The following THSD7B variants were observed in gnomAD, a reference collection of about 807,000 sequenced individuals.
THSD7B encodes the protein thrombospondin type 1 domain containing 7B, also known as thrombospondin type-1 domain-containing protein 7B.
THSD7B carries 138 observed loss-of-function variants against 213.6 expected under a neutral mutation model. That is an observed-to-expected ratio of 0.65 (90% CI 0.56 to 0.74). The LOEUF (loss-of-function observed/expected upper bound fraction) is 0.74, where lower values mean the gene tolerates loss of function less well. Among genes scored for constraint, THSD7B ranks in the 30% least tolerant of loss-of-function variants. The probability of loss-of-function intolerance (pLI) is 0.00; values close to 1 mark genes in which losing one functional copy is unlikely to be tolerated. For synonymous variants in THSD7B, 742 were observed against 687.0 expected, an observed-to-expected ratio of 1.08 and a Z score of -1.25; for missense variants, 1,931 against 1,991.5, an observed-to-expected ratio of 0.97 and a Z score of 0.58.
chr2:137,456,264 C>T (rs1054771586), intron 15 of THSD7B, among the ~76,000 whole-genome samples: 1 of 151,936 alleles, frequency 6.6e-6, no homozygotes, highest in African/African-American at 2.4e-5. Context: ...TTTCTTGTTT[C>T]CAAAGATATA....
At chr2:137,271,300 TA>T (rs904277476) in intron 10 of THSD7B, among the ~76,000 whole-genome samples, 31 of 150,518 alleles carry the variant, frequency 2.1e-4, no homozygotes, top group African/African-American at 7.1e-4. Context: ...TCTGTCTTTG[TA>T]AATAAATGCC....
chr2:136,791,305 C>G (rs963222085), intron 1 of THSD7B, among the ~76,000 whole-genome samples: 2 of 151,666 alleles, frequency 1.3e-5, no homozygotes, highest in Non-Finnish European at 2.9e-5. Context: ...CTCCACAACC[C>G]GGTAATTTTA....
At chr2:137,249,709 A>G (rs565034509) in intron 10 of THSD7B, among the ~76,000 whole-genome samples, 30 of 152,334 alleles carry the variant, frequency 2.0e-4, no homozygotes, top group Middle Eastern at 3.4e-3. Flanking sequence ...GTTACCCAGT[A>G]TGTTAGAATC....
intron 17 of THSD7B, among the ~76,000 whole-genome samples, chr2:137,598,313 A>G (rs753775532): frequency 1.3e-5 from 2 of 152,186 alleles, no homozygotes; most frequent in Admixed American, 1.3e-4. Context: ...TGATAAATCT[A>G]GAATATAGAA....
At chr2:137,431,703 G>T (rs148114413) in intron 14 of THSD7B, among the ~76,000 whole-genome samples, 1,564 of 152,220 alleles carry the variant, frequency 0.01, 27 homozygotes, top group African/African-American at 0.035. Flanking sequence ...GGACCCCATA[G>T]ATAGGATTTT....
chr2:137,607,895 T>C (rs1195793791), intron 17 of THSD7B, among the ~76,000 whole-genome samples: 1 of 152,198 alleles, frequency 6.6e-6, no homozygotes, highest in East Asian at 1.9e-4. Flanking sequence ...CTGCCTATTA[T>C]AAAATCTTCA....
chr2:137,442,284 G>T (rs1687428654), intron 14 of THSD7B, among the ~76,000 whole-genome samples: 1 of 152,084 alleles, frequency 6.6e-6, no homozygotes, highest in South Asian at 2.1e-4. Flanking sequence ...GCTAACTGCT[G>T]ATCTAGCTTA....
At chr2:136,976,854 C>G (rs1685489844) in intron 2 of THSD7B, among the ~76,000 whole-genome samples, 1 of 152,100 alleles carries the variant, frequency 6.6e-6, no homozygotes, top group Non-Finnish European at 1.5e-5. Flanking sequence ...ATCTCCTGAC[C>G]TCGTGATCCA....
At chr2:137,059,038 A>G (rs545709893) in intron 3 of THSD7B, among the ~76,000 whole-genome samples, 3 of 152,296 alleles carry the variant, frequency 2.0e-5, no homozygotes, top group Admixed American at 2.0e-4. Flanking sequence ...TTTAAATGAG[A>G]AATTTATTTC....
At chr2:137,559,200 A>T (rs999556169) in intron 15 of THSD7B, among the ~76,000 whole-genome samples, 28 of 152,158 alleles carry the variant, frequency 1.8e-4, no homozygotes, top group African/African-American at 6.8e-4. Flanking sequence ...TCTTCACAGA[A>T]TTGGAAAAAA....
chr2:137,495,915 T>G (rs1188627060), intron 15 of THSD7B, among the ~76,000 whole-genome samples: 1 of 152,110 alleles, frequency 6.6e-6, no homozygotes, highest in Non-Finnish European at 1.5e-5. Flanking sequence ...ATTGGCCAAT[T>G]TTATTTTCTA....
chr2:137,179,375 G>C (rs527873879), intron 7 of THSD7B, among the ~76,000 whole-genome samples: 1 of 152,040 alleles, frequency 6.6e-6, no homozygotes, highest in African/African-American at 2.4e-5. Flanking sequence ...ATGACCATTG[G>C]CTCATTACTC....
chr2:137,458,076 T>C (rs1342609920), intron 15 of THSD7B, among the ~76,000 whole-genome samples: 1 of 152,072 alleles, frequency 6.6e-6, no homozygotes, highest in Non-Finnish European at 1.5e-5. Context: ...AAGAACCAAA[T>C]CAGGACTGTA....
At chr2:137,061,427 C>CTT (rs35891504) in intron 3 of THSD7B, among the ~76,000 whole-genome samples, 4 of 146,900 alleles carry the variant, frequency 2.7e-5, no homozygotes, top group Non-Finnish European at 6.0e-5. Flanking sequence ...AAAGGACATT[C>CTT]TTTTTTTTTT....
chr2:136,888,848 T>C (rs556985236), intron 2 of THSD7B, among the ~76,000 whole-genome samples: 2 of 152,176 alleles, frequency 1.3e-5, no homozygotes, highest in African/African-American at 4.8e-5. Context: ...ACCAATATAC[T>C]CCAAGTGTCA....
intron 5 of THSD7B, among the ~76,000 whole-genome samples, chr2:137,152,822 G>T (rs1454659877): frequency 6.6e-6 from 1 of 152,118 alleles, no homozygotes; most frequent in Non-Finnish European, 1.5e-5. Context: ...GCATATTTCT[G>T]CCCTTGAAAT....
intron 12 of THSD7B, among the ~76,000 whole-genome samples, chr2:137,366,912 C>A (rs188614758): frequency 2.0e-4 from 31 of 152,062 alleles, no homozygotes; most frequent in Admixed American, 9.2e-4. Flanking sequence ...TAAATTATTT[C>A]TTTAGTCAAC....
In THSD7B at chr2:137,677,407, C is replaced by T. The variant is rs1683728398; in HGVS notation, c.*802C>T. 6.6e-6 allele frequency: 1 copy of T among 152,358 alleles called. No individual in the cohort carries two copies. Among genetic ancestry groups the T allele is most frequent in the Admixed American group, 6.5e-5 (1 of 15,278 alleles). 9.4% of individuals were successfully genotyped at this position (152,358 alleles called of 1,614,324 possible). A position where few individuals can be genotyped will look rare whatever the true frequency, so the allele number is the denominator to read the frequency against. ...CTTATCCATGTAGATATAGCATTAACCACACACAGTTGTAATTCAGTTTAA... is the reference window on the plus strand; with the variant it reads ...CTTATCCATGTAGATATAGCATTAATCACACACAGTTGTAATTCAGTTTAA... On this transcript the variant is annotated 3_prime_UTR_variant, in exon 28 of 28. Coordinates refer to ENST00000409968, the MANE Select transcript of THSD7B (RefSeq NM_001316349.2).
At chr2:137,142,344 G>A (rs1319059545) in intron 5 of THSD7B, among the ~76,000 whole-genome samples, 2 of 152,120 alleles carry the variant, frequency 1.3e-5, no homozygotes, top group East Asian at 1.9e-4. Flanking sequence ...CTGTGATAAT[G>A]ACATTAGTTC....
Sources: gnomAD v4.1 joint callset for allele counts (sites outside exome capture counted in the v4.1 genomes callset) on GRCh38, gnomAD v4.1.1 for gene constraint, MANE v1.5 for transcripts, NCBI Gene and HGNC (gene_info 2026-07-23, HGNC 2026-07-21) for gene names.